Variants in DHX57 observed in about 807,000 individuals in gnomAD.
DHX57 encodes putative ATP-dependent RNA helicase DHX57.
A neutral mutation model predicts 156.2 loss-of-function variants in DHX57; 105 were observed. That is an observed-to-expected ratio of 0.67 (90% confidence interval 0.57 to 0.79). DHX57 has a LOEUF of 0.79. Among genes scored for constraint, DHX57 ranks in the 30% least tolerant of loss-of-function variants. The pLI is 0.00. For synonymous variants in DHX57, 704 were observed against 595.6 expected (o/e 1.18, Z -2.65); for missense variants, 1,847 against 1,661.9 (o/e 1.11, Z -1.94).
intron 1 of DHX57, 139 bp from the exon 2 acceptor site, chr2:38,868,550 G>A: frequency 1.1e-6 from 1 of 913,668 alleles, no homozygotes; most frequent in Non-Finnish European, 1.6e-6. Context: ...TCTTGGGGCA[G>A]GATTCTGAAT....
intron 7 of DHX57, among the ~76,000 whole-genome samples, chr2:38,855,872 G>C (rs1348726662): frequency 6.6e-6 from 1 of 152,116 alleles, no homozygotes; most frequent in East Asian, 1.9e-4. Context: ...CGAGGCAGGC[G>C]GATCACTTGA....
chr2:38,799,522 T>C (rs1331915681), intron 23 of DHX57, among the ~76,000 whole-genome samples: 1 of 132,696 alleles, frequency 7.5e-6, no homozygotes, highest in Non-Finnish European at 1.6e-5. Flanking sequence ...GAGACTGAGG[T>C]GGGCGGATCA....
chr2:38,808,998 A>G (rs1006916136), intron 21 of DHX57, among the ~76,000 whole-genome samples: 2 of 152,010 alleles, frequency 1.3e-5, no homozygotes, highest in Non-Finnish European at 2.9e-5. Context: ...AGGCACAGTC[A>G]TAGCTAACTG....
At chr2:38,808,304 AAG>A (rs1423659179) in intron 21 of DHX57, among the ~76,000 whole-genome samples, 3 of 152,270 alleles carry the variant, frequency 2.0e-5, no homozygotes, top group Non-Finnish European at 2.9e-5. Flanking sequence ...TATATAGAAA[AAG>A]AGAAAAACAT....
intron 17 of DHX57, among the ~76,000 whole-genome samples, chr2:38,822,277 C>T (rs984021785): frequency 1.3e-5 from 2 of 152,050 alleles, no homozygotes; most frequent in East Asian, 1.9e-4. Context: ...GACGGGGTTT[C>T]TCCATGTTGG....
rs112915660 is a variant in DHX57, at chr2:38,818,657, A to C, written c.3471+220T>G. On this transcript the variant is annotated intron_variant, in intron 19 of 23. Transcript: ENST00000457308. The stretch of plus-strand genomic sequence containing the variant: ...ACCCTATCTTCCGCATAAGTAAACA[A>C]AAATTCACCACAAAGAGGAAAAGGA... 3.1e-3 allele frequency among the ~76,000 whole-genome samples: 477 copies of C among 152,336 alleles called. 3 individuals carry two copies. The highest frequency in any genetic ancestry group is 0.011 in the African/African-American group (454 of 41,566).
Position 38,818,920 on chromosome 2 carries a change from T to A in DHX57, c.3428A>T (p.Tyr1143Phe). The A allele has an allele frequency of 1.2e-6, 2 of 1,614,218 alleles. No homozygotes were observed. Among genetic ancestry groups the A allele is most frequent in the Non-Finnish European group, 1.7e-6 (2 of 1,180,038 alleles). ...CAAGAAGTTTTGTCTGCAGTAATTA[T>A]AACTTGCACGCACGCCTTCTTTTGT... is the stretch of plus-strand genomic sequence containing the variant. ...LSTKEGVRAS[Y>F]NYCRQNFLSG... Residue 1143 changes from tyrosine (Y) to phenylalanine (F), a missense_variant, in exon 19 of 24, where the codon TAT becomes TTT. Tyr to Phe is a conservative substitution (Grantham distance 22). Coordinates refer to ENST00000457308, the MANE Select transcript of DHX57 (RefSeq NM_198963.3).
At position 38,861,654 on chromosome 2, in the gene DHX57, T is replaced by C. The variant is rs555189193; in HGVS notation, c.756A>G (p.Ala252=). The C allele has an allele frequency of 6.2e-7, 1 of 1,614,198 alleles. No homozygotes were observed. The highest frequency in any genetic ancestry group is 1.7e-5 in the Admixed American group (1 of 60,030). The change falls in exon 5 of 24, where the codon GCA becomes GCG. Residue 252 remains alanine, a synonymous_variant. Coordinates refer to ENST00000457308, the MANE Select transcript of DHX57 (RefSeq NM_198963.3). ...DECMEQRQEE[A]FALKSICGEK... is the part of the protein sequence containing the mutation. Reference sequence around the variant, plus strand: ...CTCCACAGATGGACTTGAGAGCAAATGCCTCTTCCTGTCGCTGTTCCATAC... The same window carrying C: ...CTCCACAGATGGACTTGAGAGCAAACGCCTCTTCCTGTCGCTGTTCCATAC...
intron 12 of DHX57, among the ~76,000 whole-genome samples, chr2:38,839,745 A>G (rs1671882619): frequency 6.6e-6 from 1 of 151,904 alleles, no homozygotes; most frequent in African/African-American, 2.4e-5. Flanking sequence ...GAGTTTTGAA[A>G]CAATGTTGTT....
intron 8 of DHX57, chr2:38,854,852 G>A (rs964353937): frequency 1.1e-5 from 5 of 468,676 alleles, no homozygotes; most frequent in South Asian, 2.5e-5. Context: ...GTGAGCCACC[G>A]CGCCTGGCCA....
chr2:38,836,509 C>G (rs1295634504), intron 13 of DHX57, among the ~76,000 whole-genome samples: 1 of 152,150 alleles, frequency 6.6e-6, no homozygotes, highest in Non-Finnish European at 1.5e-5. Context: ...TGCAGTGGCT[C>G]ACGCCTGTAA....
At chr2:38,844,738 T>G (rs1363392045) in intron 11 of DHX57, among the ~76,000 whole-genome samples, 2 of 151,154 alleles carry the variant, frequency 1.3e-5, no homozygotes, top group African/African-American at 4.9e-5. Flanking sequence ...AGCATTCAAG[T>G]TGGGTGTTAA....
At chr2:38,856,285 G>A in intron 7 of DHX57, 55 bp downstream of exon 7, 1 of 1,571,174 alleles carries the variant, frequency 6.4e-7, no homozygotes, top group South Asian at 1.2e-5. Flanking sequence ...ATGGTAACCA[G>A]GGTGCATATA....
intron 13 of DHX57, among the ~76,000 whole-genome samples, chr2:38,831,173 T>C (rs1671359359): frequency 6.6e-6 from 1 of 151,876 alleles, no homozygotes; most frequent in Non-Finnish European, 1.5e-5. Flanking sequence ...TACTATTATA[T>C]ATGGATTGAA....
intron 12 of DHX57, among the ~76,000 whole-genome samples, chr2:38,841,874 T>C (rs1381426678): frequency 3.3e-5 from 5 of 152,158 alleles, no homozygotes; most frequent in Admixed American, 6.5e-5. Context: ...CCTAATAACA[T>C]ACATAAAAAG....
At chr2:38,872,400 T>C (rs1665397237) in intron 1 of DHX57, among the ~76,000 whole-genome samples, 1 of 152,084 alleles carries the variant, frequency 6.6e-6, no homozygotes, top group African/African-American at 2.4e-5. Context: ...TAAAAATAAA[T>C]GTGAGAGAAT....
intron 6 of DHX57, among the ~76,000 whole-genome samples, chr2:38,857,387 A>C (rs1267576799): frequency 7.9e-5 from 12 of 152,222 alleles, no homozygotes; most frequent in Non-Finnish European, 1.5e-4. Flanking sequence ...CTTGTTTGTT[A>C]AAACTCTGGC....
chr2:38,848,315 C>T lies in DHX57; in HGVS notation c.2118G>A (p.Glu706=), dbSNP rs201188630. The T allele has an allele frequency of 2.5e-6, 4 of 1,610,062 alleles. No homozygotes were observed. In the Admixed American group the frequency reaches 6.7e-5, roughly 27 times the overall value. The change falls in exon 10 of 24, where the codon GAG becomes GAA. Residue 706 remains glutamate, a synonymous_variant. Coordinates refer to ENST00000457308, the MANE Select transcript of DHX57 (RefSeq NM_198963.3). The part of the protein sequence containing the change: ...VILMSATLNA[E]LFSDYFNSCP... ...AGGAATTAAAATAGTCTGAAAAAAG[C>T]TCAGCGTTTAGAGTTGCACTCATTA...
At chr2:38,804,352 C>T (rs368868385) in intron 22 of DHX57, among the ~76,000 whole-genome samples, 69 of 151,954 alleles carry the variant, frequency 4.5e-4, no homozygotes, top group African/African-American at 1.2e-3. Context: ...TAGCTGGGAG[C>T]GATGACACAT....
Sources: allele counts gnomAD v4.1 joint callset (sites outside exome capture counted in the v4.1 genomes callset), GRCh38; gene constraint gnomAD v4.1.1; transcripts MANE v1.5; gene names NCBI Gene and HGNC (gene_info 2026-07-23, HGNC 2026-07-21).